Variants in AGPAT3 observed in about 807,000 individuals in gnomAD.
The protein encoded by AGPAT3 is 1-acylglycerol-3-phosphate O-acyltransferase 3, also known as 1-acyl-sn-glycerol-3-phosphate acyltransferase gamma.
A neutral mutation model predicts 47.3 loss-of-function variants in AGPAT3; 5 were observed. The ratio of observed to expected loss-of-function variants is 0.11; its 90% CI spans 0.06 to 0.22. The LOEUF (loss-of-function observed/expected upper bound fraction) is 0.22, where lower values mean the gene tolerates loss of function less well. AGPAT3 is among the 10% of genes least tolerant of loss of function. AGPAT3 has a pLI of 1.00. For synonymous variants in AGPAT3, 212 were observed against 208.3 expected (o/e 1.02, Z -0.15); for missense variants, 315 against 493.0 (o/e 0.64, Z 3.42).
chr21:43,909,735 G>T (rs1289234150), intron 2 of AGPAT3, among the ~76,000 whole-genome samples: 1 of 152,234 alleles, frequency 6.6e-6, no homozygotes, highest in African/African-American at 2.4e-5. Flanking sequence ...AGGAGAGCCT[G>T]GCTCCCAGGC....
intron 8 of AGPAT3, 73 bp downstream of exon 8, chr21:43,978,194 C>A: frequency 7.3e-7 from 1 of 1,362,990 alleles, no homozygotes; most frequent in African/African-American, 1.4e-5. Flanking sequence ...GGCGAGCAGG[C>A]AGGTGACACG....
At chr21:43,928,160 A>G (rs2087118981) in intron 2 of AGPAT3, among the ~76,000 whole-genome samples, 1 of 152,190 alleles carries the variant, frequency 6.6e-6, no homozygotes, top group Non-Finnish European at 1.5e-5. Flanking sequence ...TGGACGTGGA[A>G]GTCTCCGCTG....
rs2086870577 is a variant in AGPAT3, at chr21:43,920,601, G to A, written c.-49+16582G>A. 2.0e-5 allele frequency among the ~76,000 whole-genome samples: 3 copies of A among 152,226 alleles called. No individual in the cohort carries two copies. Among genetic ancestry groups the A allele is most frequent in the South Asian group, 2.1e-4 (1 of 4,826 alleles). On this transcript the variant is annotated intron_variant, in intron 2 of 9. Transcript: ENST00000291572. This position sits in a 1 kb window ranked among gnomAD's most constrained non-coding sequence, Gnocchi z 6.1. ...GACCTCTGGGGAGGGGAGGGAGCCC[G>A]CAGAGGTGGAGTGGATCACCAGTGG...
At chr21:43,941,823 C>T (rs988655915) in intron 2 of AGPAT3, among the ~76,000 whole-genome samples, 3 of 152,242 alleles carry the variant, frequency 2.0e-5, no homozygotes, top group Non-Finnish European at 4.4e-5. Context: ...TCCTGGGATT[C>T]GTGGCTGAGC....
At chr21:43,910,650 A>G (rs2086612102) in intron 2 of AGPAT3, among the ~76,000 whole-genome samples, 1 of 152,188 alleles carries the variant, frequency 6.6e-6, no homozygotes, top group African/African-American at 2.4e-5. Flanking sequence ...CGGTCACTGC[A>G]GTTCTTACAT....
intron 2 of AGPAT3, among the ~76,000 whole-genome samples, chr21:43,915,431 T>G (rs1186733233): frequency 1.4e-5 from 2 of 141,688 alleles, no homozygotes; most frequent in African/African-American, 2.7e-5. Flanking sequence ...TTTTTTTTTT[T>G]GCGACAGTCT....
intron 2 of AGPAT3, among the ~76,000 whole-genome samples, chr21:43,910,718 G>C (rs928163233): frequency 6.6e-6 from 1 of 152,130 alleles, no homozygotes; most frequent in African/African-American, 2.4e-5. Flanking sequence ...ATGTATATGA[G>C]GGGAGAGCAA....
In AGPAT3 at chr21:43,962,504, C is replaced by T. The variant is rs373619031; in HGVS notation, c.178+2645C>T. Among the ~76,000 whole-genome samples, 37 of 152,288 alleles carry T rather than the reference C, an allele frequency of 2.4e-4. 1 individual carries two copies. Among genetic ancestry groups the T allele is most frequent in the African/African-American group, 8.7e-4 (36 of 41,568 alleles). ...CTAGCAGTATTCTGAAGCTAAAATA[C>T]TACAAAACAGCTAAATCCTGCCTGA... On this transcript the variant is annotated intron_variant, in intron 3 of 9. Coordinates refer to ENST00000291572, the MANE Select transcript of AGPAT3 (RefSeq NM_020132.5).
intron 1 of AGPAT3, among the ~76,000 whole-genome samples, chr21:43,903,033 A>G (rs563632439): frequency 3.3e-5 from 5 of 152,292 alleles, no homozygotes; most frequent in African/African-American, 1.2e-4. Context: ...TGGGGGACAC[A>G]AGCATTCAGT....
chr21:43,872,266 T>C (rs2085639352), intron 1 of AGPAT3, among the ~76,000 whole-genome samples: 1 of 151,630 alleles, frequency 6.6e-6, no homozygotes, highest in African/African-American at 2.4e-5. Flanking sequence ...CTGCAACCTC[T>C]GCCTCCCGGG....
intron 1 of AGPAT3, among the ~76,000 whole-genome samples, chr21:43,869,622 C>A (rs1023052472): frequency 6.6e-6 from 1 of 152,130 alleles, no homozygotes; most frequent in African/African-American, 2.4e-5. Flanking sequence ...TGAGAGGAGG[C>A]GGAGGGAGCA....
intron 2 of AGPAT3, among the ~76,000 whole-genome samples, chr21:43,943,942 G>T (rs960061090): frequency 1.3e-5 from 2 of 152,238 alleles, no homozygotes; most frequent in African/African-American, 4.8e-5. Context: ...GAGTGGAGGG[G>T]CAAGTGCCTG....
intron 7 of AGPAT3, among the ~76,000 whole-genome samples, chr21:43,973,739 G>A (rs1400978031): frequency 1.3e-5 from 2 of 152,222 alleles, no homozygotes; most frequent in Non-Finnish European, 1.5e-5. Context: ...AGCCATCACA[G>A]CGCCAGGCTC....
chr21:43,905,927 C>T (rs1044943698), intron 2 of AGPAT3, among the ~76,000 whole-genome samples: 10 of 152,270 alleles, frequency 6.6e-5, no homozygotes, highest in South Asian at 2.1e-4. Context: ...GTGTGGCGCA[C>T]GTGGGCTTGT....
chr21:43,967,131 G>T (rs2089163340), intron 3 of AGPAT3: 1 of 152,328 alleles, frequency 6.6e-6, no homozygotes, highest in South Asian at 2.1e-4. Context: ...CAGGCGTGCA[G>T]GTCTCCTGCC....
At chr21:43,949,141 G>A (rs573214709) in intron 2 of AGPAT3, among the ~76,000 whole-genome samples, 1 of 152,278 alleles carries the variant, frequency 6.6e-6, no homozygotes, top group African/African-American at 2.4e-5. Flanking sequence ...TAGTTCTGGG[G>A]CTGGGGGGGA....
In AGPAT3 at chr21:43,938,815, C is replaced by T. The variant is rs79961485; in HGVS notation, c.-48-20819C>T. Reference sequence around the variant, plus strand: ...AGGAATCCAGGAGTGGCTTAGCGGGCGATTCTGGGTGTCACGTGGAGTCAC... The same window carrying T: ...AGGAATCCAGGAGTGGCTTAGCGGGTGATTCTGGGTGTCACGTGGAGTCAC... On this transcript the variant is annotated intron_variant, in intron 2 of 9. Transcript: ENST00000291572. Among the ~76,000 whole-genome samples the T allele has an allele frequency of 1.4e-4, 21 of 152,254 alleles. No homozygotes were observed. The East Asian group carries it at 2.5e-3, about 18-fold the overall frequency.
intron 2 of AGPAT3, among the ~76,000 whole-genome samples, chr21:43,936,414 G>A (rs1224885297): frequency 6.6e-6 from 1 of 152,268 alleles, no homozygotes; most frequent in Non-Finnish European, 1.5e-5. Context: ...CCTCCGTGGG[G>A]CCAGTGCCTC....
chr21:43,876,867 GT>G lies in AGPAT3; in HGVS notation c.-112+11531del, dbSNP rs558330383. On this transcript the variant is annotated intron_variant, in intron 1 of 9. Coordinates refer to ENST00000291572, the MANE Select transcript of AGPAT3 (RefSeq NM_020132.5). Reference sequence around the variant, plus strand: ...GTTTTGTTTTTTGTTTGTTTTATTTGTTTTTTTTTGAGACAAAGTCTCACTC... The same window carrying G: ...GTTTTGTTTTTTGTTTGTTTTATTTGTTTTTTTTGAGACAAAGTCTCACTC... Among the ~76,000 whole-genome samples the G allele has an allele frequency of 6.1e-3, 922 of 150,836 alleles. 8 individuals are homozygous for G. The highest frequency in any genetic ancestry group is 0.02 in the African/African-American group (819 of 41,100).
Sources: allele counts gnomAD v4.1 joint callset (sites outside exome capture counted in the v4.1 genomes callset), GRCh38; gene constraint gnomAD v4.1.1; non-coding constraint Gnocchi (gnomAD v3.1); transcripts MANE v1.5; gene names NCBI Gene and HGNC (gene_info 2026-07-23, HGNC 2026-07-21).